The following HK2 variants were observed in gnomAD, a reference collection of about 807,000 sequenced individuals.
HK2 encodes the protein hexokinase-2.
HK2 carries 42 observed loss-of-function variants against 92.9 expected under a neutral mutation model. That is an observed-to-expected ratio of 0.45 (90% CI 0.35 to 0.58). The LOEUF is 0.58. Among genes scored for constraint, HK2 ranks in the 20% least tolerant of loss-of-function variants. The probability of loss-of-function intolerance (pLI) is 0.00; values close to 1 mark genes in which losing one functional copy is unlikely to be tolerated. For missense variants in HK2, 978 were observed against 1,245.1 expected, an observed-to-expected ratio of 0.79 and a Z score of 3.23; for synonymous variants, 422 against 468.0, an observed-to-expected ratio of 0.90 and a Z score of 1.27.
intron 5 of HK2, 34 bp from the exon 6 acceptor site, chr2:74,873,810 A>T: frequency 6.7e-7 from 1 of 1,486,812 alleles, no homozygotes; most frequent in Non-Finnish European, 9.4e-7. Flanking sequence ...CTCTGTGATG[A>T]TGAAGGTCAG....
intron 1 of HK2, among the ~76,000 whole-genome samples, chr2:74,837,821 G>A (rs600578): frequency 0.77 from 116,795 of 151,854 alleles, 45,469 homozygotes; most frequent in African/African-American, 0.89. Flanking sequence ...GATTACAGGC[G>A]TGCGCCACCA....
rs1445059465 is a variant in HK2 at position 74,887,911 on chromosome 2, A to C, written c.2228A>C (p.Lys743Thr). The C allele has an allele frequency of 6.2e-7, 1 of 1,613,898 alleles. No homozygotes were observed. The highest frequency in any genetic ancestry group is 1.7e-5 in the Admixed American group (1 of 60,030). ...TGTTACTTGCATTGCAGGTTCGAGA[A>C]AATGATCAGTGGAATGTACCTGGGT... Reference protein sequence around the residue: ...SLNPGKQRFEKMISGMYLGEI... With the variant: ...SLNPGKQRFETMISGMYLGEI... The change falls in exon 16 of 18, where the codon AAA becomes ACA. Residue 743 changes from lysine to threonine, a missense_variant. This residue lies in a region of HK2 where 742 missense variants were observed against 922.5 expected (regional missense o/e 0.80). Coordinates refer to ENST00000290573, the MANE Select transcript of HK2 (RefSeq NM_000189.5).
intron 1 of HK2, among the ~76,000 whole-genome samples, chr2:74,853,178 A>G (rs1688609573): frequency 6.7e-6 from 1 of 150,276 alleles, no homozygotes; most frequent in South Asian, 2.1e-4. Flanking sequence ...TGGGGAACTG[A>G]ACCAGGGAGA....
intron 1 of HK2, among the ~76,000 whole-genome samples, chr2:74,849,566 C>T (rs1479600325): frequency 1.3e-5 from 2 of 152,200 alleles, no homozygotes; most frequent in African/African-American, 4.8e-5. Flanking sequence ...CAGCCTTGTC[C>T]ATGCCCATCA....
At chr2:74,887,247 A>G (rs1689561152) in intron 15 of HK2, among the ~76,000 whole-genome samples, 1 of 152,242 alleles carries the variant, frequency 6.6e-6, no homozygotes, top group Non-Finnish European at 1.5e-5. Flanking sequence ...AATAGAAGTT[A>G]CAGACTAAAA....
At chr2:74,870,465 G>A (rs1689070903) in intron 3 of HK2, among the ~76,000 whole-genome samples, 1 of 141,572 alleles carries the variant, frequency 7.1e-6, no homozygotes, top group Admixed American at 6.8e-5. Flanking sequence ...AGCTGGGGGA[G>A]GAGAAACCAT....
intron 13 of HK2, among the ~76,000 whole-genome samples, chr2:74,885,929 A>G (rs1448535061): frequency 6.6e-6 from 1 of 151,990 alleles, no homozygotes; most frequent in African/African-American, 2.4e-5. Flanking sequence ...CAAAACAGCC[A>G]TGAGGGCTGC....
rs371844857 is a variant in HK2, at chr2:74,878,814, C to T, written c.1158C>T (p.Cys386=). ...QIVSTRSASL[C]AATLAAVLQR... ...TGTCCACACGCTCCGCCAGCCTGTGCGCAGCCACCCTGGCCGCCGTGCTGC... is the reference window on the plus strand; with the variant it reads ...TGTCCACACGCTCCGCCAGCCTGTGTGCAGCCACCCTGGCCGCCGTGCTGC... Residue 386 remains cysteine (C), a synonymous_variant, in exon 9 of 18, where the codon TGC becomes TGT. Transcript: ENST00000290573. 1.7e-5 allele frequency: 27 copies of T among 1,561,370 alleles called. No homozygotes were observed. Among genetic ancestry groups the T allele is most frequent in the Middle Eastern group, 1.7e-4 (1 of 6,030 alleles).
At position 74,834,891 on chromosome 2, in the gene HK2, C is replaced by A. The variant is rs1200843208; in HGVS notation, c.63+248C>A. 6.6e-6 allele frequency among the ~76,000 whole-genome samples: 1 copy of A among 152,194 alleles called. No individual in the cohort carries two copies. The highest frequency in any genetic ancestry group is 2.4e-5 in the African/African-American group (1 of 41,456). ...CGCCCTCCCTCCCTGAGCTCCGGCA[C>A]GCGCTCACGCTCTCTCCCCCAGTCC... On this transcript the variant is annotated intron_variant, in intron 1 of 17. Transcript: ENST00000290573. This position sits in a 1 kb window ranked among gnomAD's most constrained non-coding sequence, Gnocchi z 4.2.
intron 2 of HK2, among the ~76,000 whole-genome samples, chr2:74,855,021 A>G (rs961393280): frequency 6.6e-6 from 1 of 152,178 alleles, no homozygotes; most frequent in Non-Finnish European, 1.5e-5. Flanking sequence ...TTTTTGAGAC[A>G]GTTTCACTCT....
Position 74,881,679 on chromosome 2 carries a change from C to T in HK2, c.1571-32C>T, listed in dbSNP as rs1689395327. ...TCTCCACATTCCCCATGTTCTGCCC[C>T]AACTTATCACTTCCCTGGGCTTATT... On this transcript the variant is annotated intron_variant, in intron 10 of 17. Transcript: ENST00000290573. The T allele has an allele frequency of 3.7e-6, 6 of 1,613,048 alleles. No individual in the cohort carries two copies. The East Asian group carries it at 1.3e-4, about 36-fold the overall frequency.
At chr2:74,874,863 C>G (rs528742750) in intron 7 of HK2, among the ~76,000 whole-genome samples, 1 of 152,272 alleles carries the variant, frequency 6.6e-6, no homozygotes, top group South Asian at 2.1e-4. Context: ...GACAGGCTGA[C>G]AGCTGGCTGC....
intron 8 of HK2, among the ~76,000 whole-genome samples, chr2:74,878,098 C>T (rs1405986073): frequency 1.3e-5 from 2 of 152,148 alleles, no homozygotes; most frequent in African/African-American, 2.4e-5. Context: ...GATTTAGTTC[C>T]CTTGAGAAGG....
chr2:74,836,528 C>A (rs549427973), intron 1 of HK2, among the ~76,000 whole-genome samples: 2 of 152,362 alleles, frequency 1.3e-5, no homozygotes, highest in South Asian at 4.1e-4. Flanking sequence ...TTATTAAGCG[C>A]TGCAGTGTGC....
At chr2:74,876,910 A>T (rs1044298099) in intron 7 of HK2, among the ~76,000 whole-genome samples, 21 of 152,182 alleles carry the variant, frequency 1.4e-4, no homozygotes, top group Non-Finnish European at 2.4e-4. Context: ...AGAATGTTCC[A>T]TACTCCCTGT....
At chr2:74,851,162 C>T (rs183146132) in intron 1 of HK2, among the ~76,000 whole-genome samples, 24 of 152,342 alleles carry the variant, frequency 1.6e-4, no homozygotes, top group Admixed American at 5.9e-4. Context: ...GTCCTGACGG[C>T]CTGGCAGTGG....
chr2:74,850,087 C>G (rs1224542866), intron 1 of HK2, among the ~76,000 whole-genome samples: 1 of 152,196 alleles, frequency 6.6e-6, no homozygotes, highest in East Asian at 1.9e-4. Flanking sequence ...AGATTCCAGG[C>G]AGAAAAGTGA....
chr2:74,869,752 A>G (rs1310998488), intron 3 of HK2, among the ~76,000 whole-genome samples: 1 of 152,186 alleles, frequency 6.6e-6, no homozygotes, highest in Non-Finnish European at 1.5e-5. Context: ...CATCTTACCC[A>G]TAGATCCTCC....
At chr2:74,874,483 C>T (rs981531850) in intron 7 of HK2, 34 bp downstream of exon 7, 26 of 1,559,148 alleles carry the variant, frequency 1.7e-5, no homozygotes, top group South Asian at 8.2e-5. Context: ...GTGGGCTTGG[C>T]GGGGGCCTGG....
Sources: gnomAD v4.1 joint callset for allele counts (sites outside exome capture counted in the v4.1 genomes callset) on GRCh38, gnomAD v4.1.1 for gene constraint, gnomAD v4.1.1 regional missense constraint, Gnocchi (gnomAD v3.1) non-coding constraint, MANE v1.5 for transcripts, NCBI Gene and HGNC (gene_info 2026-07-23, HGNC 2026-07-21) for gene names.